TNFRSF1B: variants seen among roughly 807,000 people sequenced by gnomAD.
The protein encoded by TNFRSF1B is TNF receptor superfamily member 1B, also known as tumor necrosis factor receptor superfamily member 1B.
A neutral mutation model predicts 44.6 loss-of-function variants in TNFRSF1B; 19 were observed. The observed-to-expected ratio is 0.43, with a 90% CI of 0.30 to 0.62. The LOEUF (loss-of-function observed/expected upper bound fraction) is 0.62, where lower values mean the gene tolerates loss of function less well. Among genes scored for constraint, TNFRSF1B ranks in the 20% least tolerant of loss-of-function variants. The probability of loss-of-function intolerance (pLI) is 0.16; values close to 1 mark genes in which losing one functional copy is unlikely to be tolerated. For synonymous variants in TNFRSF1B, 252 were observed against 261.1 expected, an observed-to-expected ratio of 0.97 and a Z score of 0.34; for missense variants, 541 against 619.9, an observed-to-expected ratio of 0.87 and a Z score of 1.35.
At chr1:12,192,040 T>G (rs1387141773) in intron 4 of TNFRSF1B, 117 bp downstream of exon 4, 1 of 1,367,134 alleles carries the variant, frequency 7.3e-7, no homozygotes, top group African/African-American at 1.4e-5. Flanking sequence ...CTGTTAGTGG[T>G]GGCCAGGTGC....
chr1:12,180,684 G>A lies in TNFRSF1B; in HGVS notation c.79-8112G>A, dbSNP rs1028420980. Among the ~76,000 whole-genome samples the A allele has an allele frequency of 1.4e-4, 21 of 152,214 alleles. No homozygotes were observed. The highest frequency in any genetic ancestry group is 4.1e-4 in the African/African-American group (17 of 41,460). ...CCTGAGTCCTCCAGGGTGAGGGGGC[G>A]TGGGGTCAGAAGAGAGGGGACGGTG... is the stretch of plus-strand genomic sequence containing the variant. On this transcript the variant is annotated intron_variant, in intron 1 of 9. Transcript: ENST00000376259. The surrounding 1 kb of genome is among the most constrained non-coding windows in gnomAD (Gnocchi z 4.3).
chr1:12,167,082 G>T lies in TNFRSF1B; in HGVS notation c.-10G>T. 7.6e-7 allele frequency: 1 copy of T among 1,320,168 alleles called. No individual in the cohort carries two copies. The highest frequency in any genetic ancestry group is 9.7e-7 in the Non-Finnish European group (1 of 1,033,128). The allele number at this position is 1,320,168 out of a possible 1,614,324, so 81.8% of individuals were successfully genotyped here. A position where few individuals can be genotyped will look rare whatever the true frequency, so the allele number is the denominator to read the frequency against. On this transcript the variant is annotated 5_prime_UTR_variant, in exon 1 of 10. Coordinates refer to ENST00000376259, the MANE Select transcript of TNFRSF1B (RefSeq NM_001066.3). ...CGAGGGCAGGGGGCAACCGGACCCC[G>T]CCCGCACCCATGGCGCCCGTCGCCG...
chr1:12,188,751 C>A, intron 1 of TNFRSF1B, 45 bp from the exon 2 acceptor site: 1 of 1,585,222 alleles, frequency 6.3e-7, no homozygotes, highest in South Asian at 1.1e-5. Flanking sequence ...ATGGCAGAAC[C>A]CAGGGGCGGC....
Position 12,191,899 on chromosome 1 carries a change from C to G in TNFRSF1B, c.433C>G (p.Pro145Ala). Reference protein sequence around the residue: ...RLCAPLRKCRPGFGVARPGTE... With the variant: ...RLCAPLRKCRAGFGVARPGTE... ...GTGCGCGCCGCTGCGCAAGTGCCGCCCGGGCTTCGGCGTGGCCAGACCAGG... is the reference window on the plus strand; with the variant it reads ...GTGCGCGCCGCTGCGCAAGTGCCGCGCGGGCTTCGGCGTGGCCAGACCAGG... The change falls in exon 4 of 10, where the codon CCG becomes GCG. Residue 145 changes from proline to alanine, a missense_variant. Physicochemically the swap from Pro to Ala is conservative, Grantham distance 27. Transcript: ENST00000376259. The G allele has an allele frequency of 6.2e-7, 1 of 1,609,512 alleles. No homozygotes were observed. Among genetic ancestry groups the G allele is most frequent in the East Asian group, 2.2e-5 (1 of 44,808 alleles).
At chr1:12,183,748 T>G (rs1768638) in intron 1 of TNFRSF1B, among the ~76,000 whole-genome samples, 27,512 of 115,770 alleles carry the variant, frequency 0.24, 3,735 homozygotes, top group Admixed American at 0.38. Context: ...TATCTATCTA[T>G]CTAGCTAGCT....
chr1:12,182,485 T>TC lies in TNFRSF1B; in HGVS notation c.79-6308dup, dbSNP rs140972708. Among the ~76,000 whole-genome samples, 1,195 of 152,312 alleles carry TC rather than the reference T, an allele frequency of 7.8e-3. 7 individuals are homozygous for TC. The highest frequency in any genetic ancestry group is 0.014 in the Non-Finnish European group (935 of 68,024). On this transcript the variant is annotated intron_variant, in intron 1 of 9. Coordinates refer to ENST00000376259, the MANE Select transcript of TNFRSF1B (RefSeq NM_001066.3). Reference sequence around the variant, plus strand: ...TGTCTCCCCAGCTAAGATGACAACTTCCCGGGGGCAGGGATTTGATTTGTT... The same window carrying TC: ...TGTCTCCCCAGCTAAGATGACAACTTCCCCGGGGGCAGGGATTTGATTTGTT...
At chr1:12,193,195 G>T (rs983094931) in intron 6 of TNFRSF1B, 97 bp downstream of exon 6, 2 of 1,134,692 alleles carry the variant, frequency 1.8e-6, no homozygotes, top group Non-Finnish European at 2.6e-6. Flanking sequence ...GAGCCCACGG[G>T]GGGCTGGACC....
At chr1:12,196,226 G>A (rs5746042) in intron 8 of TNFRSF1B, among the ~76,000 whole-genome samples, 9 of 152,056 alleles carry the variant, frequency 5.9e-5, no homozygotes, top group East Asian at 1.9e-4. Context: ...GCTTGAACCC[G>A]GGCAGTGGAG....
rs1638710079 is a variant in TNFRSF1B, at chr1:12,178,385, C to T, written c.79-10411C>T. On this transcript the variant is annotated intron_variant, in intron 1 of 9. Transcript: ENST00000376259. This position sits in a 1 kb window ranked among gnomAD's most constrained non-coding sequence, Gnocchi z 4.3. ...TACTGACTTCATGAATCATAAAGCCCTGTGAAGGGGGCACTGTTTCTGTCG... is the reference window on the plus strand; with the variant it reads ...TACTGACTTCATGAATCATAAAGCCTTGTGAAGGGGGCACTGTTTCTGTCG... 6.6e-6 allele frequency among the ~76,000 whole-genome samples: 1 copy of T among 152,100 alleles called. No homozygotes were observed. The highest frequency in any genetic ancestry group is 2.4e-5 in the African/African-American group (1 of 41,412).
chr1:12,181,223 G>A lies in TNFRSF1B; in HGVS notation c.79-7573G>A, dbSNP rs571155989. The stretch of plus-strand genomic sequence containing the variant: ...GGCCATCTAACACCCCACTAAAGCC[G>A]GGCAGTTCGCTGCCCTGGGGTGTGT... On this transcript the variant is annotated intron_variant, in intron 1 of 9. Transcript: ENST00000376259. Among the ~76,000 whole-genome samples the A allele has an allele frequency of 3.9e-5, 6 of 152,286 alleles. No homozygotes were observed. In the South Asian group the frequency reaches 1.0e-3, roughly 26 times the overall value.
intron 2 of TNFRSF1B, among the ~76,000 whole-genome samples, chr1:12,189,974 T>C (rs1179268060): frequency 6.6e-6 from 1 of 152,100 alleles, no homozygotes; most frequent in African/African-American, 2.4e-5. Context: ...CCAGCATGTG[T>C]GGCCCAGGAT....
chr1:12,188,292 C>T (rs576063508), intron 1 of TNFRSF1B, among the ~76,000 whole-genome samples: 4 of 152,190 alleles, frequency 2.6e-5, no homozygotes, highest in African/African-American at 7.2e-5. Context: ...TCATAACCCA[C>T]GTTTAGAGAG....
At chr1:12,192,393 T>C (rs75924049) in intron 4 of TNFRSF1B, 38 bp from the exon 5 acceptor site, 3 of 1,604,206 alleles carry the variant, frequency 1.9e-6, no homozygotes, top group African/African-American at 1.3e-5. Flanking sequence ...TCCCGCAGAG[T>C]GTCTGAGTGG....
rs1639492249 is a variant in TNFRSF1B at position 12,205,894 on chromosome 1, C to T, written c.1106-846C>T. Among the ~76,000 whole-genome samples the T allele has an allele frequency of 2.0e-5, 3 of 152,040 alleles. No individual in the cohort carries two copies. In the South Asian group the frequency reaches 6.2e-4, roughly 31 times the overall value. ...CCACCTGCCTTGGCCTCCCAAAGTG[C>T]TGGGATTACAGGCGTGAGCCACCCT... is the stretch of plus-strand genomic sequence containing the variant. On this transcript the variant is annotated intron_variant, in intron 9 of 9. Transcript: ENST00000376259.
Position 12,167,133 on chromosome 1 carries a change from G to C in TNFRSF1B, c.42G>C (p.Leu14=). Residue 14 remains leucine, a synonymous_variant, in exon 1 of 10, where the codon CTG becomes CTC. Transcript: ENST00000376259. ...VAVWAALAVG[L]ELWAAAHALP... ...TCTGGGCCGCGCTGGCCGTCGGACT[G>C]GAGCTCTGGGCTGCGGCGCACGCCT... The C allele has an allele frequency of 2.2e-6, 3 of 1,357,040 alleles. No individual in the cohort carries two copies. Among genetic ancestry groups the C allele is most frequent in the Non-Finnish European group, 2.9e-6 (3 of 1,050,120 alleles). 84.1% of individuals were successfully genotyped at this position (1,357,040 alleles called of 1,614,324 possible). A position where few individuals can be genotyped will look rare whatever the true frequency, so the allele number is the denominator to read the frequency against.
rs1465933078 is a variant in TNFRSF1B, at chr1:12,177,829, G to A, written c.78+10660G>A. Among the ~76,000 whole-genome samples, 1 of 151,890 alleles carries A rather than the reference G, an allele frequency of 6.6e-6. No individual in the cohort carries two copies. Among genetic ancestry groups the A allele is most frequent in the Non-Finnish European group, 1.5e-5 (1 of 67,996 alleles). ...AAAAAAAGAAGAGCTGACATTTAGC[G>A]GGTGCTTCTTGGGTGCAATGCGCAA... is the stretch of plus-strand genomic sequence containing the variant. On this transcript the variant is annotated intron_variant, in intron 1 of 9. Transcript: ENST00000376259. The surrounding 1 kb of genome is among the most constrained non-coding windows in gnomAD (Gnocchi z 4.3).
At chr1:12,181,625 C>T (rs547285523) in intron 1 of TNFRSF1B, among the ~76,000 whole-genome samples, 1 of 152,314 alleles carries the variant, frequency 6.6e-6, no homozygotes, top group African/African-American at 2.4e-5. Context: ...GCCCCTTCTA[C>T]AAGGCCGGTG....
chr1:12,167,029 G>T lies in TNFRSF1B; in HGVS notation c.-63G>T. On this transcript the variant is annotated 5_prime_UTR_variant, in exon 1 of 10. The change creates a new upstream start codon in the 5' untranslated region. Coordinates refer to ENST00000376259, the MANE Select transcript of TNFRSF1B (RefSeq NM_001066.3). ...CGAGCGCAGCGGAGCCTGGAGAGAA[G>T]GCGCTGGGCTGCGAGGGCGCGAGGG... The T allele has an allele frequency of 8.7e-7, 1 of 1,149,912 alleles. No homozygotes were observed. Among genetic ancestry groups the T allele is most frequent in the South Asian group, 2.9e-5 (1 of 33,942 alleles). 71.2% of individuals were successfully genotyped at this position (1,149,912 alleles called of 1,614,324 possible).
At chr1:12,184,826 C>A (rs1315538582) in intron 1 of TNFRSF1B, among the ~76,000 whole-genome samples, 1 of 152,172 alleles carries the variant, frequency 6.6e-6, no homozygotes. Context: ...CCCTGGTTAC[C>A]CCAAGGGCAC....
Sources: allele counts gnomAD v4.1 joint callset (sites outside exome capture counted in the v4.1 genomes callset), GRCh38; gene constraint gnomAD v4.1.1; non-coding constraint Gnocchi (gnomAD v3.1); transcripts MANE v1.5; gene names NCBI Gene and HGNC (gene_info 2026-07-23, HGNC 2026-07-21).